LSS: variants seen among roughly 807,000 people sequenced by gnomAD.
LSS encodes the protein lanosterol synthase.
In LSS, 90 loss-of-function variants were observed where a neutral mutation model predicts 110.3. The ratio of observed to expected loss-of-function variants is 0.82; its 90% CI spans 0.69 to 0.97. The LOEUF (loss-of-function observed/expected upper bound fraction) is 0.97, where lower values mean the gene tolerates loss of function less well. Ranked by LOEUF, LSS falls within the 50% of genes least tolerant of loss-of-function variation. LSS has a pLI of 0.00. For synonymous variants in LSS, 433 were observed against 400.0 expected (o/e 1.08, Z -0.98); for missense variants, 927 against 990.0 (o/e 0.94, Z 0.85).
In LSS at chr21:46,228,402, G is replaced by A. The variant is rs560980604; in HGVS notation, c.180+32C>T. On this transcript the variant is annotated intron_variant, in intron 2 of 21. Transcript: ENST00000397728. ...CTCACGGCTCACCCCTCAGGGTCCC[G>A]AGCTCGCTGACGCTCCGCGGAAGCA... 3 of 1,596,914 alleles carry A rather than the reference G, an allele frequency of 1.9e-6. No homozygotes were observed. The East Asian group carries it at 6.7e-5, about 36-fold the overall frequency.
chr21:46,191,031 G>A lies in LSS; in HGVS notation c.*73C>T. 6.3e-7 allele frequency: 1 copy of A among 1,576,208 alleles called. No individual in the cohort carries two copies. Among genetic ancestry groups the A allele is most frequent in the Non-Finnish European group, 8.7e-7 (1 of 1,153,210 alleles). On this transcript the variant is annotated 3_prime_UTR_variant, in exon 22 of 22. Transcript: ENST00000397728. ...GGAGCCCAAGACAGGGTTATGGGAG[G>A]GCTCCCCAACCCGGCCAGGACCCCT...
rs778676707 is a variant in LSS, at chr21:46,191,966, G to A, written c.1989-7C>T. 12 of 1,610,004 alleles carry A rather than the reference G, an allele frequency of 7.5e-6. No homozygotes were observed. Among genetic ancestry groups the A allele is most frequent in the Non-Finnish European group, 1.0e-5 (12 of 1,176,990 alleles). The stretch of plus-strand genomic sequence containing the variant: ...GGCCTCGATGTCAGGATGCCTGGTG[G>A]AAGAGAAGGCTGAAACACACCCAGC... On this transcript the variant is annotated splice_polypyrimidine_tract_variant and splice_region_variant and intron_variant, in intron 20 of 21. Coordinates refer to ENST00000397728, the MANE Select transcript of LSS (RefSeq NM_002340.6).
intron 17 of LSS, among the ~76,000 whole-genome samples, chr21:46,204,196 G>A (rs368890145): frequency 6.7e-4 from 102 of 152,262 alleles, no homozygotes; most frequent in African/African-American, 2.3e-3. Context: ...TCGGGAGGCT[G>A]AGGCAGGAGA....
intron 7 of LSS, 78 bp from the exon 8 acceptor site, chr21:46,215,871 C>T (rs1047827400): frequency 1.1e-6 from 1 of 931,498 alleles, no homozygotes; most frequent in African/African-American, 1.7e-5. Flanking sequence ...GGTGGCCTCC[C>T]ACCATCCGCC....
intron 12 of LSS, among the ~76,000 whole-genome samples, chr21:46,210,011 T>C (rs943936048): frequency 2.0e-5 from 3 of 150,090 alleles, no homozygotes; most frequent in Non-Finnish European, 3.0e-5. Flanking sequence ...AAATCCACTC[T>C]CGTTTTTCTC....
rs149267995 is a variant in LSS, at chr21:46,190,604, G to A, written c.*500C>T. 613 of 164,210 alleles carry A rather than the reference G, an allele frequency of 3.7e-3. 7 individuals carry two copies. Among genetic ancestry groups the A allele is most frequent in the East Asian group, 0.017 (100 of 5,736 alleles). The allele number at this position is 164,210 out of a possible 1,614,324, so 10.2% of individuals were successfully genotyped here. A position where few individuals can be genotyped will look rare whatever the true frequency, so the allele number is the denominator to read the frequency against. ...GCAACCCCCGCACTGGGCTATTCAC[G>A]GATGCACACTACCTGCCATTGTCAC... On this transcript the variant is annotated 3_prime_UTR_variant, in exon 22 of 22. Coordinates refer to ENST00000397728, the MANE Select transcript of LSS (RefSeq NM_002340.6). This position sits in a 1 kb window ranked among gnomAD's most constrained non-coding sequence, Gnocchi z 4.6.
chr21:46,199,618 G>A (rs1315530864), intron 17 of LSS, among the ~76,000 whole-genome samples: 5 of 152,188 alleles, frequency 3.3e-5, no homozygotes, highest in Non-Finnish European at 5.9e-5. Flanking sequence ...CTTAGTAGGT[G>A]AATGAATAAA....
At chr21:46,220,909 CCCAGGGCTTGGGGAGGTAGCCAGG>C (rs1274915885) in intron 5 of LSS, among the ~76,000 whole-genome samples, 3 of 145,232 alleles carry the variant, frequency 2.1e-5, no homozygotes, top group Non-Finnish European at 4.5e-5. Flanking sequence ...AGGTGGACAG[CCCAGGGCTTGGGGAGGTAGCCAGG>C]CCAGGGCTTG....
chr21:46,207,510 T>G lies in LSS; in HGVS notation c.1385A>C (p.Lys462Thr). 6.2e-7 allele frequency: 1 copy of G among 1,612,438 alleles called. No individual in the cohort carries two copies. Among genetic ancestry groups the G allele is most frequent in the Non-Finnish European group, 8.5e-7 (1 of 1,179,500 alleles). The change falls in exon 15 of 22, where the codon AAG (lysine) becomes ACG (threonine). Residue 462 changes from lysine (K) to threonine (T), a missense_variant. Lys to Thr is a moderately conservative substitution (Grantham distance 78). Transcript: ENST00000397728. ...IVSDCTAEAL[K>T]AVLLLQEKCP... Reference sequence around the variant, plus strand: ...CTTCTCCTGCAGGAGCAGCACAGCCTTCAAGGCCTCAGCCGTGCAGTCAGA... The same window carrying G: ...CTTCTCCTGCAGGAGCAGCACAGCCGTCAAGGCCTCAGCCGTGCAGTCAGA...
chr21:46,213,034 C>T lies in LSS; in HGVS notation c.1128G>A (p.Met376Ile), dbSNP rs1471410878. ...PDYLWMGLDG[M>I]KMQGTNGSQI... ...GTCCCGCAGCCCTTACCTGCATTTT[C>T]ATGCCGTCAAGGCCCATCCTGTGAG... is the stretch of plus-strand genomic sequence containing the variant. The change falls in exon 11 of 22, where the codon ATG (methionine) becomes ATA (isoleucine). Residue 376 changes from methionine to isoleucine, a missense_variant. Met to Ile is a conservative substitution (Grantham distance 10). Coordinates refer to ENST00000397728, the MANE Select transcript of LSS (RefSeq NM_002340.6). 3 of 1,614,010 alleles carry T rather than the reference C, an allele frequency of 1.9e-6. No individual in the cohort carries two copies. Among genetic ancestry groups the T allele is most frequent in the South Asian group, 1.1e-5 (1 of 91,062 alleles).
intron 4 of LSS, 82 bp from the exon 5 acceptor site, chr21:46,222,057 T>C: frequency 1.3e-6 from 2 of 1,522,216 alleles, no homozygotes; most frequent in South Asian, 1.2e-5. Context: ...TGGAGTTTCC[T>C]CAGAAAACTA....
chr21:46,191,017 C>T lies in LSS; in HGVS notation c.*87G>A. ...GAGGTTGAGGGGTTGGAGCCCAAGA[C>T]AGGGTTATGGGAGGGCTCCCCAACC... On this transcript the variant is annotated 3_prime_UTR_variant, in exon 22 of 22. Transcript: ENST00000397728. 4.0e-6 allele frequency: 6 copies of T among 1,515,590 alleles called. No homozygotes were observed. The highest frequency in any genetic ancestry group is 5.4e-6 in the Non-Finnish European group (6 of 1,108,328). 93.9% of individuals were successfully genotyped at this position (1,515,590 alleles called of 1,614,324 possible).
Position 46,209,502 on chromosome 21 carries a change from C to T in LSS, c.1266+52G>A, listed in dbSNP as rs2080099125. The T allele has an allele frequency of 1.3e-5, 20 of 1,526,062 alleles. No homozygotes were observed. In the South Asian group the frequency reaches 2.3e-4, roughly 18 times the overall value. 94.5% of individuals were successfully genotyped at this position (1,526,062 alleles called of 1,614,324 possible). On this transcript the variant is annotated intron_variant, in intron 13 of 21. Coordinates refer to ENST00000397728, the MANE Select transcript of LSS (RefSeq NM_002340.6). The surrounding 1 kb of genome is among the most constrained non-coding windows in gnomAD (Gnocchi z 4.4). ...GGGCACTTCTGCCTGCAGGAGCTCC[C>T]AGCCCTGATCCCCCTCTTCAGCCCC...
chr21:46,222,100 T>C lies in LSS; in HGVS notation c.429-125A>G, dbSNP rs765508931. ...TAAAATGCCTTAACCTGACATAACA[T>C]GCCAACACAGGAGACCCCTGAGCAG... On this transcript the variant is annotated intron_variant, in intron 4 of 21. Coordinates refer to ENST00000397728, the MANE Select transcript of LSS (RefSeq NM_002340.6). 39 of 1,083,570 alleles carry C rather than the reference T, an allele frequency of 3.6e-5. 1 individual carries two copies. Among genetic ancestry groups the C allele is most frequent in the Non-Finnish European group, 4.5e-5 (34 of 750,504 alleles). 67.1% of individuals were successfully genotyped at this position (1,083,570 alleles called of 1,614,324 possible).
At position 46,190,935 on chromosome 21, in the gene LSS, C is replaced by T; in HGVS notation, c.*169G>A. The T allele has an allele frequency of 1.4e-6, 1 of 720,134 alleles. No homozygotes were observed. Among genetic ancestry groups the T allele is most frequent in the South Asian group, 2.0e-5 (1 of 50,056 alleles). The allele number at this position is 720,134 out of a possible 1,614,324, so 44.6% of individuals were successfully genotyped here. A position where few individuals can be genotyped will look rare whatever the true frequency, so the allele number is the denominator to read the frequency against. ...AGTAAAAATCAAGAGTCTAAGCCAC[C>T]CACCCTGTCCCCATCCCTGCCTCCA... On this transcript the variant is annotated 3_prime_UTR_variant, in exon 22 of 22. Transcript: ENST00000397728. This position sits in a 1 kb window ranked among gnomAD's most constrained non-coding sequence, Gnocchi z 4.6.
chr21:46,228,365 G>T, intron 2 of LSS, 69 bp downstream of exon 2: 1 of 1,541,936 alleles, frequency 6.5e-7, no homozygotes, highest in Non-Finnish European at 8.7e-7. Context: ...CTTTCTGAGA[G>T]AAAACGTGCT....
chr21:46,196,779 G>A (rs1404386594), intron 17 of LSS, among the ~76,000 whole-genome samples: 2 of 152,248 alleles, frequency 1.3e-5, no homozygotes, highest in Non-Finnish European at 1.5e-5. Flanking sequence ...CAGGGTTGAT[G>A]GGTGCGGGTC....
chr21:46,196,154 C>A (rs2079906789), intron 18 of LSS, 48 bp downstream of exon 18: 1 of 1,563,144 alleles, frequency 6.4e-7, no homozygotes, highest in Admixed American at 1.7e-5. Context: ...AGAGCAGAAA[C>A]CTGTGGATCC....
rs2080098863 is a variant in LSS at position 46,209,481 on chromosome 21, A to C, written c.1266+73T>G. 7.2e-7 allele frequency: 1 copy of C among 1,380,632 alleles called. No individual in the cohort carries two copies. Among genetic ancestry groups the C allele is most frequent in the East Asian group, 2.5e-5 (1 of 39,444 alleles). 85.5% of individuals were successfully genotyped at this position (1,380,632 alleles called of 1,614,324 possible). ...AGGGCAGGGTGGAGGTGAGGTGGGC[A>C]CTTCTGCCTGCAGGAGCTCCCAGCC... On this transcript the variant is annotated intron_variant, in intron 13 of 21. Transcript: ENST00000397728. The surrounding 1 kb of genome is among the most constrained non-coding windows in gnomAD (Gnocchi z 4.4).
Sources: gnomAD v4.1 joint callset for allele counts (sites outside exome capture counted in the v4.1 genomes callset) on GRCh38, gnomAD v4.1.1 for gene constraint, Gnocchi (gnomAD v3.1) non-coding constraint, MANE v1.5 for transcripts, NCBI Gene and HGNC (gene_info 2026-07-23, HGNC 2026-07-21) for gene names.